Variants in EZR observed in about 807,000 individuals in gnomAD.
EZR encodes the protein cytovillin 2.
In EZR, 40 loss-of-function variants were observed where a neutral mutation model predicts 74.8. The ratio of observed to expected loss-of-function variants is 0.53; its 90% CI spans 0.42 to 0.70. The LOEUF (loss-of-function observed/expected upper bound fraction) is 0.70. Ranked by LOEUF, EZR falls within the 30% of genes least tolerant of loss-of-function variation. The pLI is 0.00. For missense variants in EZR, 678 were observed against 755.8 expected (o/e 0.90, Z 1.21); for synonymous variants, 341 against 283.3 (o/e 1.20, Z -2.05).
At chr6:158,806,713 C>T (rs1254258637) in intron 2 of EZR, among the ~76,000 whole-genome samples, 1 of 152,080 alleles carries the variant, frequency 6.6e-6, no homozygotes, top group Non-Finnish European at 1.5e-5. Flanking sequence ...TATAATGCAC[C>T]TTGTTATCAC....
At chr6:158,783,807 C>A (rs575908937) in intron 6 of EZR, 141 bp from the exon 7 acceptor site, 23 of 896,014 alleles carry the variant, frequency 2.6e-5, no homozygotes, top group Non-Finnish European at 3.5e-5. Context: ...CAGGCAGGGG[C>A]CGGGCAGCCG....
chr6:158,801,818 C>G (rs556274477), intron 2 of EZR, among the ~76,000 whole-genome samples: 33 of 152,290 alleles, frequency 2.2e-4, no homozygotes, highest in Non-Finnish European at 3.5e-4. Context: ...TCATACTATT[C>G]CCAGGAACAT....
chr6:158,801,535 G>A (rs943622105), intron 2 of EZR, among the ~76,000 whole-genome samples: 7 of 152,120 alleles, frequency 4.6e-5, no homozygotes, highest in South Asian at 4.1e-4. Flanking sequence ...ATTTCAGTGC[G>A]CCATTTTATC....
intron 2 of EZR, among the ~76,000 whole-genome samples, chr6:158,796,035 C>A (rs564333882): frequency 2.6e-5 from 4 of 152,322 alleles, no homozygotes; most frequent in African/African-American, 9.6e-5. Context: ...CCAGTGCCAT[C>A]GGACAGTAGA....
At chr6:158,783,323 G>A (rs1033296222) in intron 7 of EZR, among the ~76,000 whole-genome samples, 197 bp downstream of exon 7, 2 of 149,856 alleles carry the variant, frequency 1.3e-5, no homozygotes, top group African/African-American at 4.9e-5. Context: ...CGCCCACCAT[G>A]AGAGAGGATA....
At chr6:158,794,669 C>T (rs770190657) in intron 2 of EZR, among the ~76,000 whole-genome samples, 4 of 152,088 alleles carry the variant, frequency 2.6e-5, no homozygotes, top group Non-Finnish European at 4.4e-5. Flanking sequence ...TTATCAAAAA[C>T]GGTGTTCAGT....
intron 2 of EZR, among the ~76,000 whole-genome samples, chr6:158,798,082 T>C (rs1777110424): frequency 6.6e-6 from 1 of 152,240 alleles, no homozygotes; most frequent in Admixed American, 6.5e-5. Context: ...TTTTGTAATA[T>C]GCAGTCTTTC....
Position 158,769,847 on chromosome 6 carries a change from T to G in EZR, c.1188A>C (p.Ala396=), listed in dbSNP as rs145663558. The change falls in exon 11 of 14, where the codon GCA becomes GCC. Residue 396 remains alanine (A), a synonymous_variant. Transcript: ENST00000367075. ...AERLEADRMA[A]LRAKEELERQ... ...TCTCCAGCTCCTCCTTAGCCCGCAG[T>G]GCAGCCATACGGTCAGCCTCTAGGC... 4.8e-4 allele frequency: 776 copies of G among 1,613,926 alleles called. 7 individuals carry two copies. Among genetic ancestry groups the G allele is most frequent in the Non-Finnish European group, 7.8e-5 (92 of 1,180,042 alleles).
At chr6:158,803,821 A>C (rs572036907) in intron 2 of EZR, among the ~76,000 whole-genome samples, 47 of 151,596 alleles carry the variant, frequency 3.1e-4, no homozygotes, top group African/African-American at 1.1e-3. Context: ...CTGCTTAACA[A>C]ACACAAAAAG....
rs766066321 is a variant in EZR, at chr6:158,785,546, T to C, written c.230A>G (p.Gln77Arg). ...GTAGAACTTGGCCCGGAACTTGAACTGGAGGGGATTCTCCTTCCTGACCTC... is the reference window on the plus strand; with the variant it reads ...GTAGAACTTGGCCCGGAACTTGAACCGGAGGGGATTCTCCTTCCTGACCTC... The part of the protein sequence containing the change: ...AQEVRKENPL[Q>R]FKFRAKFYPE... The change falls in exon 5 of 14, where the codon CAG (glutamine) becomes CGG (arginine). Residue 77 changes from glutamine (Q) to arginine (R), a missense_variant. Physicochemically the swap from Gln to Arg is conservative, Grantham distance 43. Around this residue, in one of 3 missense-constraint regions of EZR, gnomAD observed 217 missense variants for 232.2 expected, o/e 0.93. Coordinates refer to ENST00000367075, the MANE Select transcript of EZR (RefSeq NM_001111077.2). The C allele has an allele frequency of 1.2e-6, 2 of 1,614,164 alleles. No homozygotes were observed. Among genetic ancestry groups the C allele is most frequent in the Middle Eastern group, 1.6e-4 (1 of 6,062 alleles).
chr6:158,810,252 G>A lies in EZR; in HGVS notation c.12+7830C>T, dbSNP rs548978837. Reference sequence around the variant, plus strand: ...GAAGTTTTACATTTCCTTTGAAACAGCATTACTGTTTGCCTGTAAGTGTTA... The same window carrying A: ...GAAGTTTTACATTTCCTTTGAAACAACATTACTGTTTGCCTGTAAGTGTTA... On this transcript the variant is annotated intron_variant, in intron 2 of 13. Coordinates refer to ENST00000367075, the MANE Select transcript of EZR (RefSeq NM_001111077.2). Among the ~76,000 whole-genome samples the A allele has an allele frequency of 6.8e-4, 104 of 152,268 alleles. 1 individual carries two copies. In the Middle Eastern group the frequency reaches 0.01, roughly 15 times the overall value.
At chr6:158,770,338 A>G (rs866568369) in intron 10 of EZR, among the ~76,000 whole-genome samples, 2 of 152,170 alleles carry the variant, frequency 1.3e-5, no homozygotes, top group African/African-American at 4.8e-5. Flanking sequence ...TAATCGGCCC[A>G]GCTGCTGGGG....
intron 4 of EZR, 115 bp from the exon 5 acceptor site, chr6:158,785,698 A>G (rs1562496935): frequency 1.5e-6 from 2 of 1,311,904 alleles, no homozygotes; most frequent in Non-Finnish European, 2.1e-6. Flanking sequence ...TTCAGGAGAT[A>G]TTTATTCTTA....
At chr6:158,795,773 C>T (rs1337204908) in intron 2 of EZR, among the ~76,000 whole-genome samples, 2 of 152,138 alleles carry the variant, frequency 1.3e-5, no homozygotes, top group African/African-American at 2.4e-5. Flanking sequence ...TTCAAACACC[C>T]GCAGCCCAGG....
intron 2 of EZR, among the ~76,000 whole-genome samples, chr6:158,805,225 G>A (rs961393933): frequency 1.3e-5 from 2 of 151,266 alleles, no homozygotes; most frequent in African/African-American, 4.9e-5. Context: ...TGCAATCCCA[G>A]CTACTCGTGG....
At chr6:158,807,094 T>C (rs1362626124) in intron 2 of EZR, among the ~76,000 whole-genome samples, 2 of 151,962 alleles carry the variant, frequency 1.3e-5, no homozygotes, top group South Asian at 2.1e-4. Context: ...GGGCGGATCA[T>C]GAGGTCAGGA....
chr6:158,774,666 T>C (rs1043758739), intron 8 of EZR, among the ~76,000 whole-genome samples: 3 of 105,690 alleles, frequency 2.8e-5, no homozygotes, highest in African/African-American at 1.1e-4. Flanking sequence ...GATGGACTTA[T>C]CATCAAACAC....
At chr6:158,787,245 A>G in intron 3 of EZR, 42 bp from the exon 4 acceptor site, 15 of 1,547,488 alleles carry the variant, frequency 9.7e-6, no homozygotes, top group Non-Finnish European at 1.2e-5. Context: ...TGAGAAACTC[A>G]CTCAAAAGGG....
At chr6:158,782,772 G>A (rs1791467704) in intron 7 of EZR, among the ~76,000 whole-genome samples, 1 of 152,208 alleles carries the variant, frequency 6.6e-6, no homozygotes, top group Non-Finnish European at 1.5e-5. Flanking sequence ...GTTTCCTTCT[G>A]CCTCTTAAAT....
Sources: allele counts gnomAD v4.1 joint callset (sites outside exome capture counted in the v4.1 genomes callset), GRCh38; gene constraint gnomAD v4.1.1; regional missense constraint gnomAD v4.1.1; transcripts MANE v1.5; gene names NCBI Gene and HGNC (gene_info 2026-07-23, HGNC 2026-07-21).